The following MBP variants were observed in gnomAD, a reference collection of about 807,000 sequenced individuals.
The protein encoded by MBP is Golli-MBP.
In MBP, 16 loss-of-function variants were observed where a neutral mutation model predicts 35.8. The observed-to-expected ratio is 0.45, with a 90% confidence interval of 0.30 to 0.68. The LOEUF (loss-of-function observed/expected upper bound fraction) is 0.68. MBP is among the 30% of genes least tolerant of loss of function. The pLI is 0.08. For synonymous variants in MBP, 143 were observed against 159.6 expected (o/e 0.90, Z 0.78); for missense variants, 380 against 404.7 (o/e 0.94, Z 0.52).
intron 2 of MBP, among the ~76,000 whole-genome samples, chr18:77,090,750 G>T (rs540224979): frequency 1.3e-5 from 2 of 152,254 alleles, no homozygotes; most frequent in Admixed American, 6.5e-5. Flanking sequence ...GCTCAGCGGC[G>T]GACTCTCCTC....
intron 4 of MBP, among the ~76,000 whole-genome samples, chr18:77,009,084 G>C (rs1971170970): frequency 6.6e-6 from 1 of 152,248 alleles, no homozygotes; most frequent in African/African-American, 2.4e-5. Flanking sequence ...GCAGACGGTG[G>C]TGGCCTGGGT....
In MBP at chr18:77,066,327, C is replaced by T. The variant is rs145675270; in HGVS notation, c.110G>A (p.Arg37Gln). Reference protein sequence around the residue: ...EKKRNLGELSRTTSEDNEVFG... With the variant: ...EKKRNLGELSQTTSEDNEVFG... ...CACTTCGTTGTCCTCTGAGGTTGTC[C>T]GTGAAAGTTCACCCAGGTTTCTCTT... The change falls in exon 3 of 9, where the codon CGG becomes CAG. Residue 37 changes from arginine to glutamine, a missense_variant. Physicochemically the swap from Arg to Gln is conservative, Grantham distance 43. Coordinates refer to ENST00000355994, the MANE Select transcript of MBP (RefSeq NM_001025101.2). 157 of 1,614,056 alleles carry T rather than the reference C, an allele frequency of 9.7e-5. No homozygotes were observed. In the African/African-American group the frequency reaches 1.4e-3, roughly 15 times the overall value.
At chr18:77,070,115 T>C (rs993264111) in intron 2 of MBP, among the ~76,000 whole-genome samples, 1 of 152,180 alleles carries the variant, frequency 6.6e-6, no homozygotes. Flanking sequence ...AAACAAATAA[T>C]GCAGATGATG....
intron 4 of MBP, among the ~76,000 whole-genome samples, chr18:76,991,287 C>A (rs1467289751): frequency 6.6e-6 from 1 of 152,120 alleles, no homozygotes; most frequent in African/African-American, 2.4e-5. Context: ...AGAACCAGAA[C>A]ACTCCAGGTC....
intron 1 of MBP, among the ~76,000 whole-genome samples, chr18:77,118,116 A>G (rs1322588974): frequency 9.1e-5 from 2 of 22,034 alleles, no homozygotes; most frequent in African/African-American, 2.1e-4. Flanking sequence ...TGGGATGGGG[A>G]CAGTGGGTTG....
intron 2 of MBP, among the ~76,000 whole-genome samples, chr18:77,070,437 GC>G (rs1178677551): frequency 2.6e-5 from 4 of 152,186 alleles, no homozygotes; most frequent in African/African-American, 9.7e-5. Context: ...TGCTGCAGAA[GC>G]CCCAGGAAGG....
At chr18:77,018,502 C>T (rs983156670) in intron 3 of MBP, among the ~76,000 whole-genome samples, 91 of 147,664 alleles carry the variant, frequency 6.2e-4, no homozygotes, top group African/African-American at 2.0e-3. Flanking sequence ...TTTACCCATC[C>T]ATCCATCTAT....
chr18:77,025,044 G>A (rs912748739), intron 3 of MBP, among the ~76,000 whole-genome samples: 2 of 152,138 alleles, frequency 1.3e-5, no homozygotes, highest in Admixed American at 6.5e-5. Context: ...GTAACTCTCC[G>A]AGGCGGGTGG....
intron 2 of MBP, among the ~76,000 whole-genome samples, chr18:77,069,796 T>C (rs1018743714): frequency 1.3e-5 from 2 of 152,176 alleles, no homozygotes; most frequent in African/African-American, 4.8e-5. Flanking sequence ...CCCACAGCTA[T>C]GGTGCGTCCA....
intron 4 of MBP, chr18:77,014,483 G>A (rs893778529): frequency 6.1e-6 from 6 of 985,344 alleles, no homozygotes; most frequent in Non-Finnish European, 7.2e-6. Context: ...GCCTTCCACT[G>A]CTCGTTTGCA....
intron 3 of MBP, among the ~76,000 whole-genome samples, chr18:77,038,528 G>T (rs960811455): frequency 1.3e-5 from 2 of 152,188 alleles, no homozygotes; most frequent in African/African-American, 4.8e-5. Flanking sequence ...CTATCATGCC[G>T]TAACTGGGTC....
intron 7 of MBP, chr18:76,985,400 G>A: frequency 8.1e-7 from 1 of 1,232,902 alleles, no homozygotes; most frequent in Non-Finnish European, 1.0e-6. Flanking sequence ...ATTGGATTCT[G>A]GTCACATGTG....
rs764696659 is a variant in MBP, at chr18:76,989,913, T to C, written c.681+43A>G. The C allele has an allele frequency of 2.0e-6, 3 of 1,520,588 alleles. No individual in the cohort carries two copies. The highest frequency in any genetic ancestry group is 2.7e-6 in the Non-Finnish European group (3 of 1,097,492). 94.2% of individuals were successfully genotyped at this position (1,520,588 alleles called of 1,614,324 possible). A position where few individuals can be genotyped will look rare whatever the true frequency, so the allele number is the denominator to read the frequency against. ...TGACAGCAGTGGCCAGCACCCCTCCTCCCCCTCACAGTTGCTACCTCTTCC... is the reference window on the plus strand; with the variant it reads ...TGACAGCAGTGGCCAGCACCCCTCCCCCCCCTCACAGTTGCTACCTCTTCC... On this transcript the variant is annotated intron_variant, in intron 5 of 8. Transcript: ENST00000355994. This position sits in a 1 kb window ranked among gnomAD's most constrained non-coding sequence, Gnocchi z 4.0.
chr18:77,006,950 G>A (rs571041567), intron 4 of MBP: 1 of 152,688 alleles, frequency 6.5e-6, no homozygotes, highest in African/African-American at 2.4e-5. Context: ...GACAGGGAGG[G>A]AGAGGACACA....
intron 3 of MBP, among the ~76,000 whole-genome samples, chr18:77,054,943 C>G (rs1973663468): frequency 6.6e-6 from 1 of 152,172 alleles, no homozygotes; most frequent in Non-Finnish European, 1.5e-5. Context: ...ACAGAAAGCC[C>G]AGAGGAGAAG....
chr18:77,121,800 A>G (rs1976892068), intron 1 of MBP, among the ~76,000 whole-genome samples: 1 of 152,192 alleles, frequency 6.6e-6, no homozygotes, highest in Non-Finnish European at 1.5e-5. Context: ...TGGTGCTCAC[A>G]CTTCATAAAT....
At chr18:77,016,592 C>T in intron 4 of MBP, 1 of 1,389,234 alleles carries the variant, frequency 7.2e-7, no homozygotes. Flanking sequence ...CCTTACATTC[C>T]TGAGCCACAC....
intron 3 of MBP, among the ~76,000 whole-genome samples, chr18:77,042,838 C>T (rs1346991032): frequency 6.6e-6 from 1 of 152,212 alleles, no homozygotes. Flanking sequence ...ATAAAAATAA[C>T]TTAAAAGCTC....
At chr18:77,001,358 A>T (rs1016594881) in intron 4 of MBP, among the ~76,000 whole-genome samples, 1 of 152,156 alleles carries the variant, frequency 6.6e-6, no homozygotes, top group Non-Finnish European at 1.5e-5. Flanking sequence ...TACCCAGAAG[A>T]TCGGCCCAGC....
Sources: allele counts gnomAD v4.1 joint callset (sites outside exome capture counted in the v4.1 genomes callset), GRCh38; gene constraint gnomAD v4.1.1; non-coding constraint Gnocchi (gnomAD v3.1); transcripts MANE v1.5; gene names NCBI Gene and HGNC (gene_info 2026-07-23, HGNC 2026-07-21).